DACH2: variants seen among roughly 807,000 people sequenced by gnomAD.
DACH2 encodes dachshund homolog 2.
Under a neutral mutation model 35.8 loss-of-function variants are expected in DACH2, and 17 were observed. That is an observed-to-expected ratio of 0.48 (90% CI 0.33 to 0.71). DACH2 has a LOEUF of 0.71. Among genes scored for constraint, DACH2 ranks in the 30% least tolerant of loss-of-function variants. The pLI is 0.02. For synonymous variants in DACH2, 195 were observed against 177.3 expected, an observed-to-expected ratio of 1.10 and a Z score of -0.79; for missense variants, 469 against 472.7, an observed-to-expected ratio of 0.99 and a Z score of 0.07.
chrX:86,163,293 T>C (rs984049631), intron 1 of DACH2, among the ~76,000 whole-genome samples: 3 of 111,541 alleles, frequency 2.7e-5, no homozygotes, highest in Non-Finnish European at 3.8e-5. Context: ...AGTGAGAACA[T>C]GTGATGTGTG....
At position 86,277,719 on chromosome X, in the gene DACH2, C is replaced by A. The variant is rs533263921; in HGVS notation, c.489-99105C>A. Among the ~76,000 whole-genome samples the A allele has an allele frequency of 1.1e-4, 12 of 111,374 alleles. No homozygotes were observed. The South Asian group carries it at 4.6e-3, about 43-fold the overall frequency. ...GAAGATGAGGAGCATAGTGGCCAGC[C>A]ATTGGAAGTTGACAACAACCAATTG... On this transcript the variant is annotated intron_variant, in intron 1 of 11. Transcript: ENST00000373125.
chrX:86,485,900 C>G (rs1354394537), intron 2 of DACH2, among the ~76,000 whole-genome samples: 1 of 111,678 alleles, frequency 9.0e-6, no homozygotes, highest in East Asian at 2.8e-4. Flanking sequence ...GTTAATTGCA[C>G]AAACTTTGGA....
At chrX:86,498,068 A>G (rs1020494316) in intron 2 of DACH2, among the ~76,000 whole-genome samples, 46 of 111,472 alleles carry the variant, frequency 4.1e-4, no homozygotes, top group Non-Finnish European at 8.3e-4. Flanking sequence ...GTCAAGGAGG[A>G]AAAAAATTAC....
intron 3 of DACH2, among the ~76,000 whole-genome samples, chrX:86,544,967 G>A (rs1325505285): frequency 1.8e-5 from 2 of 111,897 alleles, no homozygotes; most frequent in African/African-American, 6.5e-5. Flanking sequence ...GATAATTTTT[G>A]TATTTTTAGT....
At chrX:86,256,106 A>T (rs7060567) in intron 1 of DACH2, among the ~76,000 whole-genome samples, 45 of 111,336 alleles carry the variant, frequency 4.0e-4, no homozygotes, top group Non-Finnish European at 5.3e-4. Context: ...TTATTTTTTT[A>T]AAAAAAGAAT....
chrX:86,779,792 G>T (rs2042072226), intron 7 of DACH2, among the ~76,000 whole-genome samples: 1 of 111,913 alleles, frequency 8.9e-6, no homozygotes, highest in East Asian at 2.8e-4. Flanking sequence ...AGAAGATGAG[G>T]TTGGCTCCAA....
chrX:86,667,537 GAAAGAAAGAAGAAAGAAAGAAAGA>G (rs1569463624), intron 4 of DACH2, among the ~76,000 whole-genome samples: 77 of 51,107 alleles, frequency 1.5e-3, no homozygotes, highest in African/African-American at 5.3e-3. Context: ...AAGAAAGAAA[GAAAGAAAGAAGAAAGAAAGAAAGA>G]AAGAAAGAAA....
intron 1 of DACH2, among the ~76,000 whole-genome samples, chrX:86,354,777 A>G (rs202015371): frequency 0.18 from 2,450 of 13,828 alleles, 723 homozygotes; most frequent in East Asian, 0.9. Flanking sequence ...TATGTAACTA[A>G]CCTGCACAAT....
chrX:86,760,643 C>A (rs7057474), intron 7 of DACH2, among the ~76,000 whole-genome samples: 2 of 110,847 alleles, frequency 1.8e-5, no homozygotes, highest in Admixed American at 9.6e-5. Context: ...CCAGTATTCC[C>A]TTGTATCTCA....
At chrX:86,231,427 C>T (rs192733933) in intron 1 of DACH2, among the ~76,000 whole-genome samples, 213 of 109,689 alleles carry the variant, frequency 1.9e-3, no homozygotes, top group African/African-American at 6.8e-3. Context: ...TGGACTCAGA[C>T]TCTCTTTGGG....
At chrX:86,191,793 TA>T (rs1158159426) in intron 1 of DACH2, among the ~76,000 whole-genome samples, 1 of 109,789 alleles carries the variant, frequency 9.1e-6, no homozygotes, top group Non-Finnish European at 1.9e-5. Context: ...ATACAAAAAT[TA>T]GCCGAACGTG....
intron 2 of DACH2, among the ~76,000 whole-genome samples, chrX:86,388,670 T>C (rs184961133): frequency 2.9e-3 from 326 of 112,021 alleles, no homozygotes; most frequent in African/African-American, 9.9e-3. Context: ...TTGGGATTAG[T>C]GAGACAATGG....
At chrX:86,528,830 A>G (rs1218795528) in intron 3 of DACH2, among the ~76,000 whole-genome samples, 2 of 112,194 alleles carry the variant, frequency 1.8e-5, no homozygotes, top group Non-Finnish European at 3.8e-5. Flanking sequence ...ACTTGTACAT[A>G]TTTATGAAGT....
chrX:86,443,866 T>C (rs67600054), intron 2 of DACH2, among the ~76,000 whole-genome samples: 4,130 of 111,536 alleles, frequency 0.037, 84 homozygotes, highest in East Asian at 0.21. Context: ...TCGTGGTGAC[T>C]AATATTTTTA....
At chrX:86,242,969 A>G (rs1366060137) in intron 1 of DACH2, among the ~76,000 whole-genome samples, 1 of 111,677 alleles carries the variant, frequency 9.0e-6, no homozygotes, top group Admixed American at 9.5e-5. Flanking sequence ...ACTGTGAGTC[A>G]ATTAAACCTC....
chrX:86,607,808 T>C (rs1343582127), intron 3 of DACH2, among the ~76,000 whole-genome samples: 2 of 98,347 alleles, frequency 2.0e-5, no homozygotes, highest in African/African-American at 3.7e-5. Flanking sequence ...TGTGTTCTCA[T>C]TGTTCAATTC....
At chrX:86,272,199 AGTGT>A (rs139733313) in intron 1 of DACH2, among the ~76,000 whole-genome samples, 31 of 100,465 alleles carry the variant, frequency 3.1e-4, no homozygotes, top group Admixed American at 7.8e-4. Context: ...TTCCTTTGAG[AGTGT>A]GTGTGTGTGT....
chrX:86,204,156 G>A (rs775006864), intron 1 of DACH2, among the ~76,000 whole-genome samples: 13 of 111,811 alleles, frequency 1.2e-4, no homozygotes, highest in Non-Finnish European at 2.3e-4. Flanking sequence ...AAGTCAGAAT[G>A]CATATCTTGC....
intron 3 of DACH2, among the ~76,000 whole-genome samples, chrX:86,592,019 A>C (rs1272592281): frequency 3.6e-5 from 4 of 111,229 alleles, no homozygotes; most frequent in African/African-American, 1.3e-4. Context: ...AAATTTCCAA[A>C]ATTTTTAAAG....
Sources: allele counts gnomAD v4.1 joint callset (sites outside exome capture counted in the v4.1 genomes callset), GRCh38; gene constraint gnomAD v4.1.1; transcripts MANE v1.5; gene names NCBI Gene and HGNC (gene_info 2026-07-23, HGNC 2026-07-21).